Variants in ELN observed in about 807,000 individuals in gnomAD.
The protein encoded by ELN is elastin.
Under a neutral mutation model 105.8 loss-of-function variants are expected in ELN, and 65 were observed. That is an observed-to-expected ratio of 0.61 (90% CI 0.50 to 0.75). ELN has a LOEUF of 0.75. ELN is among the 30% of genes least tolerant of loss of function. The probability of loss-of-function intolerance (pLI) is 0.00; values close to 1 mark genes in which losing one functional copy is unlikely to be tolerated. For synonymous variants in ELN, 368 were observed against 389.2 expected, an observed-to-expected ratio of 0.95 and a Z score of 0.64; for missense variants, 882 against 969.4, an observed-to-expected ratio of 0.91 and a Z score of 1.20.
In ELN at chr7:74,059,626, G is replaced by C; in HGVS notation, c.1415-260G>C. The C allele has an allele frequency of 7.0e-6, 4 of 575,324 alleles. No homozygotes were observed. The South Asian group carries it at 8.2e-5, about 12-fold the overall frequency. The allele number at this position is 575,324 out of a possible 1,614,324, so 35.6% of individuals were successfully genotyped here. On this transcript the variant is annotated intron_variant, in intron 22 of 32. Coordinates refer to ENST00000252034, the MANE Select transcript of ELN (RefSeq NM_000501.4). ...TTGAACTCGGGAGGTGGTGGTTGCA[G>C]TGAGTCGAGATCACGCCATTGCACT...
intron 21 of ELN, among the ~76,000 whole-genome samples, 180 bp downstream of exon 21, chr7:74,056,893 CT>C (rs1204034139): frequency 6.6e-6 from 1 of 152,174 alleles, no homozygotes; most frequent in African/African-American, 2.4e-5. Flanking sequence ...CAGATGCCCC[CT>C]GTTAGGACTG....
At chr7:74,030,663 G>T (rs1168379438) in intron 1 of ELN, among the ~76,000 whole-genome samples, 1 of 151,782 alleles carries the variant, frequency 6.6e-6, no homozygotes, top group African/African-American at 2.4e-5. Flanking sequence ...CTCCCAAAGT[G>T]CTTGGATTAC....
intron 12 of ELN, 113 bp from the exon 13 acceptor site, chr7:74,047,562 G>A: frequency 6.9e-7 from 1 of 1,448,748 alleles, no homozygotes; most frequent in Non-Finnish European, 9.7e-7. Context: ...TCAGGACCCT[G>A]ATGTGGGAGG....
In ELN at chr7:74,041,378, G is replaced by A. The variant is rs932461385; in HGVS notation, c.232+127G>A. On this transcript the variant is annotated intron_variant, in intron 5 of 32. Coordinates refer to ENST00000252034, the MANE Select transcript of ELN (RefSeq NM_000501.4). Reference sequence around the variant, plus strand: ...AGGTTCCGTCCTGGGCACTGACGGGGACTGATGCTGATACCAACTGCCCCA... The same window carrying A: ...AGGTTCCGTCCTGGGCACTGACGGGAACTGATGCTGATACCAACTGCCCCA... 33 of 1,185,500 alleles carry A rather than the reference G, an allele frequency of 2.8e-5. No homozygotes were observed. The African/African-American group carries it at 5.0e-4, about 18-fold the overall frequency. The allele number at this position is 1,185,500 out of a possible 1,614,324, so 73.4% of individuals were successfully genotyped here. A position where few individuals can be genotyped will look rare whatever the true frequency, so the allele number is the denominator to read the frequency against.
chr7:74,030,568 T>A (rs544016570), intron 1 of ELN, among the ~76,000 whole-genome samples: 17 of 152,138 alleles, frequency 1.1e-4, no homozygotes, highest in Non-Finnish European at 1.6e-4. Context: ...TTACCTTTTT[T>A]ATTTTTTTTA....
intron 1 of ELN, among the ~76,000 whole-genome samples, chr7:74,033,350 G>A (rs1437563850): frequency 6.6e-6 from 1 of 152,232 alleles, no homozygotes; most frequent in East Asian, 1.9e-4. Context: ...GGAGAAAGAG[G>A]AGGAAGGAGA....
At chr7:74,057,160 C>T (rs1373141356) in intron 21 of ELN, among the ~76,000 whole-genome samples, 1 of 152,064 alleles carries the variant, frequency 6.6e-6, no homozygotes, top group Admixed American at 6.6e-5. Flanking sequence ...ATGGCTTGAA[C>T]CCGGGAGGTA....
At position 74,043,949 on chromosome 7, in the gene ELN, T is replaced by C. The variant is rs781848633; in HGVS notation, c.469+29T>C. On this transcript the variant is annotated intron_variant, in intron 9 of 32. Transcript: ENST00000252034. ...AGAGCAAGGAGGGAAACAGGGACTC[T>C]ATAGGAAGAAAGCAGCCAGGACGCA... 6.8e-6 allele frequency: 11 copies of C among 1,613,672 alleles called. No individual in the cohort carries two copies. In the South Asian group the frequency reaches 7.7e-5, roughly 11 times the overall value.
Position 74,060,658 on chromosome 7 carries a change from G to A in ELN, c.1747+157G>A, listed in dbSNP as rs1460611114. 3.2e-6 allele frequency: 5 copies of A among 1,544,362 alleles called. No individual in the cohort carries two copies. In the East Asian group the frequency reaches 1.2e-4, roughly 38 times the overall value. On this transcript the variant is annotated intron_variant, in intron 25 of 32. Transcript: ENST00000252034. ...AGCATCTGGGGGTAACAGATAGCGG[G>A]AGGAGGGCAGACCAGGCCAAGGGAC...
intron 26 of ELN, 65 bp downstream of exon 26, chr7:74,061,204 T>C: frequency 6.2e-7 from 1 of 1,604,920 alleles, no homozygotes; most frequent in Non-Finnish European, 8.5e-7. Context: ...AGCACAGGAC[T>C]GGGGTGGTCA....
intron 11 of ELN, 39 bp from the exon 12 acceptor site, chr7:74,046,657 G>C: frequency 6.2e-7 from 1 of 1,610,624 alleles, no homozygotes; most frequent in South Asian, 1.1e-5. Context: ...GTTTGGAAGG[G>C]GGTGCTGGGA....
intron 11 of ELN, 115 bp downstream of exon 11, chr7:74,046,332 C>T (rs1792518191): frequency 6.9e-7 from 1 of 1,455,844 alleles, no homozygotes; most frequent in South Asian, 1.1e-5. Flanking sequence ...CCCACGCCTG[C>T]AGAGCCAGGT....
At chr7:74,041,360 G>T in intron 5 of ELN, 109 bp downstream of exon 5, 1 of 1,419,336 alleles carries the variant, frequency 7.0e-7, no homozygotes, top group South Asian at 1.2e-5. Flanking sequence ...GCCAGGTTCC[G>T]TCCTGGGCAC....
chr7:74,048,238 C>T (rs370002751), intron 14 of ELN, 37 bp downstream of exon 14: 2 of 1,613,518 alleles, frequency 1.2e-6, no homozygotes, highest in Non-Finnish European at 1.7e-6. Context: ...GCCAAGGGAG[C>T]ACTGATCTTC....
Position 74,063,559 on chromosome 7 carries a change from A to G in ELN, c.1919-62A>G. The G allele has an allele frequency of 6.2e-7, 1 of 1,613,030 alleles. No individual in the cohort carries two copies. Among genetic ancestry groups the G allele is most frequent in the Non-Finnish European group, 8.5e-7 (1 of 1,179,228 alleles). On this transcript the variant is annotated intron_variant, in intron 28 of 32. Transcript: ENST00000252034. The surrounding 1 kb of genome is among the most constrained non-coding windows in gnomAD (Gnocchi z 4.1). ...CCCAGAGGACACCTCCGCCCTCCAC[A>G]GGCCGAGGCTTCAGTCCCACCTTTC... is the stretch of plus-strand genomic sequence containing the variant.
In ELN at chr7:74,056,730, T is replaced by C. The variant is rs1554680204; in HGVS notation, c.1357+17T>C. 15 of 1,613,708 alleles carry C rather than the reference T, an allele frequency of 9.3e-6. No homozygotes were observed. Among genetic ancestry groups the C allele is most frequent in the Non-Finnish European group, 1.2e-5 (14 of 1,179,994 alleles). ...CCAAGTACGGTAAGTGCCCCTGCCC[T>C]GCCTGTCCCCAAGTCCTGCTCTCCC... On this transcript the variant is annotated intron_variant, in intron 21 of 32. Coordinates refer to ENST00000252034, the MANE Select transcript of ELN (RefSeq NM_000501.4).
In ELN at chr7:74,051,983, G is replaced by C; in HGVS notation, c.949G>C (p.Gly317Arg). The change falls in exon 17 of 33, where the codon GGA (glycine) becomes CGA (arginine). Residue 317 changes from glycine to arginine, a missense_variant and splice_region_variant. Transcript: ENST00000252034. Reference sequence around the variant, plus strand: ...AGCAGCCGCTAAGGCAGCCAAGTATGGTGAGTGCCTCCCGGGGTGGCAAGT... The same window carrying C: ...AGCAGCCGCTAAGGCAGCCAAGTATCGTGAGTGCCTCCCGGGGTGGCAAGT... ...AAAAAKAAKY[G>R]AAAGLVPGGP... 1 of 1,613,276 alleles carries C rather than the reference G, an allele frequency of 6.2e-7. No homozygotes were observed. The highest frequency in any genetic ancestry group is 8.5e-7 in the Non-Finnish European group (1 of 1,180,032).
chr7:74,059,835 G>T (rs782715796), intron 22 of ELN, 51 bp from the exon 23 acceptor site: 24 of 896,510 alleles, frequency 2.7e-5, no homozygotes, highest in Non-Finnish European at 4.0e-5. Context: ...ATAAGCTTCT[G>T]TCCTCTTTGA....
intron 29 of ELN, among the ~76,000 whole-genome samples, chr7:74,064,194 A>AGGTG (rs1797381286): frequency 2.0e-5 from 3 of 151,356 alleles, no homozygotes; most frequent in Non-Finnish European, 2.9e-5. Flanking sequence ...TGAGGTGGGC[A>AGGTG]GATCACGAGG....
Sources: gnomAD v4.1 joint callset for allele counts (sites outside exome capture counted in the v4.1 genomes callset) on GRCh38, gnomAD v4.1.1 for gene constraint, Gnocchi (gnomAD v3.1) non-coding constraint, MANE v1.5 for transcripts, NCBI Gene and HGNC (gene_info 2026-07-23, HGNC 2026-07-21) for gene names.